Variants in MID2 observed in about 807,000 individuals in gnomAD.
The protein encoded by MID2 is midline 2, also known as probable E3 ubiquitin-protein ligase MID2.
In MID2, 13 loss-of-function variants were observed where a neutral mutation model predicts 46.1. The ratio of observed to expected loss-of-function variants is 0.28; its 90% CI spans 0.18 to 0.45. MID2 has a LOEUF of 0.45. MID2 is among the 20% of genes least tolerant of loss of function. The pLI is 1.00. For missense variants in MID2, 431 were observed against 575.4 expected (o/e 0.75, Z 2.57); for synonymous variants, 199 against 212.3 (o/e 0.94, Z 0.55).
chrX:107,830,727 T>C (rs1931072548), intron 1 of MID2, among the ~76,000 whole-genome samples: 1 of 112,138 alleles, frequency 8.9e-6, no homozygotes, highest in Admixed American at 9.5e-5. Flanking sequence ...TGTTGGGTCA[T>C]GCTAGCAAGT....
intron 6 of MID2, 98 bp downstream of exon 6, chrX:107,916,227 A>G: frequency 2.9e-6 from 2 of 695,910 alleles, no homozygotes; most frequent in Non-Finnish European, 3.9e-6. Context: ...TATAATTTAC[A>G]TATTTTATAA....
chrX:107,921,204 T>A (rs958598603), intron 7 of MID2, among the ~76,000 whole-genome samples: 21 of 111,821 alleles, frequency 1.9e-4, no homozygotes, highest in African/African-American at 6.5e-4. Flanking sequence ...TGACATTTTT[T>A]AAAAAGTGTT....
chrX:107,889,693 G>C (rs988289688), intron 3 of MID2, among the ~76,000 whole-genome samples: 3 of 111,851 alleles, frequency 2.7e-5, no homozygotes, highest in Non-Finnish European at 5.6e-5. Flanking sequence ...ATTTCTCCTG[G>C]ATAATATCCT....
At chrX:107,830,061 T>C (rs1188602856) in intron 1 of MID2, among the ~76,000 whole-genome samples, 1 of 111,957 alleles carries the variant, frequency 8.9e-6, no homozygotes, top group Non-Finnish European at 1.9e-5. Context: ...CCTCCTCCCA[T>C]AAAATCTGCT....
chrX:107,860,694 C>A (rs1042510197), intron 3 of MID2, among the ~76,000 whole-genome samples: 2 of 112,038 alleles, frequency 1.8e-5, no homozygotes, highest in African/African-American at 6.5e-5. Flanking sequence ...GGAAAAAAAT[C>A]AAAGGTTTAG....
chrX:107,885,368 G>A (rs1248628624), intron 3 of MID2, among the ~76,000 whole-genome samples: 4 of 104,140 alleles, frequency 3.8e-5, no homozygotes, highest in Non-Finnish European at 5.8e-5. Flanking sequence ...GAGAACATGC[G>A]GTGTTTGGTT....
intron 3 of MID2, among the ~76,000 whole-genome samples, chrX:107,858,357 A>G (rs1931788708): frequency 8.9e-6 from 1 of 112,266 alleles, no homozygotes; most frequent in African/African-American, 3.2e-5. Flanking sequence ...CTCATCAGGC[A>G]TCCTTTGTTT....
At chrX:107,906,210 A>G (rs1375450111) in intron 5 of MID2, among the ~76,000 whole-genome samples, 2 of 111,882 alleles carry the variant, frequency 1.8e-5, no homozygotes, top group Non-Finnish European at 3.8e-5. Flanking sequence ...CTAAAGTGAA[A>G]CATTGTTCAG....
intron 3 of MID2, among the ~76,000 whole-genome samples, chrX:107,890,073 T>G (rs778684112): frequency 1.8e-5 from 2 of 112,051 alleles, no homozygotes; most frequent in Non-Finnish European, 3.8e-5. Context: ...ACTTCCTCCT[T>G]TAGCTCGGAG....
In MID2 at chrX:107,850,189, G is replaced by GACAC. The variant is rs201492124; in HGVS notation, c.721-4395_721-4392dup. 8.8e-5 allele frequency among the ~76,000 whole-genome samples: 9 copies of GACAC among 102,183 alleles called. No homozygotes were observed. The South Asian group carries it at 1.3e-3, about 15-fold the overall frequency. The allele number at this position is 102,183 out of a possible 115,157, so 88.7% of individuals were successfully genotyped here. A position where few individuals can be genotyped will look rare whatever the true frequency, so the allele number is the denominator to read the frequency against. On this transcript the variant is annotated intron_variant, in intron 2 of 9. Coordinates refer to ENST00000262843, the MANE Select transcript of MID2 (RefSeq NM_012216.4). ...AGACACACACATCCACACACACACAGACACACACACACACACACACACACA... is the reference window on the plus strand; with the variant it reads ...AGACACACACATCCACACACACACAGACACACACACACACACACACACACACACA...
intron 3 of MID2, among the ~76,000 whole-genome samples, chrX:107,857,636 A>T (rs1246178869): frequency 8.9e-6 from 1 of 111,783 alleles, no homozygotes; most frequent in East Asian, 2.8e-4. Context: ...TCCTCATTCA[A>T]CACAGAGCCT....
intron 3 of MID2, among the ~76,000 whole-genome samples, chrX:107,899,399 T>C (rs1254427054): frequency 9.0e-6 from 1 of 111,029 alleles, no homozygotes; most frequent in Non-Finnish European, 1.9e-5. Flanking sequence ...AGGGGCCTTA[T>C]GTGTTTGTAT....
At chrX:107,839,218 T>C (rs1931273733) in intron 1 of MID2, among the ~76,000 whole-genome samples, 1 of 111,388 alleles carries the variant, frequency 9.0e-6, no homozygotes, top group Non-Finnish European at 1.9e-5. Context: ...AAAGACAACT[T>C]AGAATATTTA....
chrX:107,889,452 A>G (rs1170930274), intron 3 of MID2, among the ~76,000 whole-genome samples: 1 of 110,793 alleles, frequency 9.0e-6, no homozygotes, highest in Admixed American at 9.6e-5. Context: ...ATTGGCCCCC[A>G]CTCTCTTCTG....
chrX:107,896,669 A>G (rs751551173), intron 3 of MID2, among the ~76,000 whole-genome samples: 1 of 112,632 alleles, frequency 8.9e-6, no homozygotes, highest in Non-Finnish European at 1.9e-5. Flanking sequence ...ATGCATTTCT[A>G]TACAGGTACT....
chrX:107,887,696 A>G (rs1932490733), intron 3 of MID2, among the ~76,000 whole-genome samples: 2 of 111,921 alleles, frequency 1.8e-5, no homozygotes, highest in Admixed American at 9.5e-5. Context: ...TTCAGAAGGA[A>G]TGGTACCAGC....
At chrX:107,912,494 T>A (rs1401458547) in intron 5 of MID2, among the ~76,000 whole-genome samples, 1 of 111,795 alleles carries the variant, frequency 8.9e-6, no homozygotes, top group Non-Finnish European at 1.9e-5. Flanking sequence ...CTGAACATTT[T>A]TACTTGAAAT....
chrX:107,852,679 C>T (rs1425282023), intron 2 of MID2, among the ~76,000 whole-genome samples: 1 of 111,795 alleles, frequency 8.9e-6, no homozygotes, highest in South Asian at 3.8e-4. Flanking sequence ...AATGTGAAAT[C>T]ACACTACCCA....
chrX:107,911,745 T>A (rs371981270), intron 5 of MID2, among the ~76,000 whole-genome samples: 1 of 111,742 alleles, frequency 8.9e-6, no homozygotes, highest in South Asian at 3.8e-4. Flanking sequence ...TGAACTTTGC[T>A]ATAGGATTAT....
Sources: allele counts gnomAD v4.1 joint callset (sites outside exome capture counted in the v4.1 genomes callset), GRCh38; gene constraint gnomAD v4.1.1; transcripts MANE v1.5; gene names NCBI Gene and HGNC (gene_info 2026-07-23, HGNC 2026-07-21).